TJP1: variants seen among roughly 807,000 people sequenced by gnomAD.
The protein encoded by TJP1 is tight junction protein ZO-1.
TJP1 carries 43 observed loss-of-function variants against 194.2 expected under a neutral mutation model. The ratio of observed to expected loss-of-function variants is 0.22; its 90% confidence interval spans 0.17 to 0.29. The LOEUF (loss-of-function observed/expected upper bound fraction) is 0.29, where lower values mean the gene tolerates loss of function less well. Ranked by LOEUF, TJP1 falls within the 10% of genes least tolerant of loss-of-function variation. The probability of loss-of-function intolerance (pLI) is 1.00; values close to 1 mark genes in which losing one functional copy is unlikely to be tolerated. For synonymous variants in TJP1, 801 were observed against 779.0 expected (o/e 1.03, Z -0.47); for missense variants, 1,971 against 2,185.7 (o/e 0.90, Z 1.96).
chr15:29,953,610 C>T (rs567025943), intron 2 of TJP1, among the ~76,000 whole-genome samples: 24 of 152,058 alleles, frequency 1.6e-4, no homozygotes, highest in African/African-American at 4.8e-4. Flanking sequence ...TTTTTTATTG[C>T]TTGGAAAATC....
At chr15:29,950,961 C>A (rs2055727906) in intron 2 of TJP1, among the ~76,000 whole-genome samples, 1 of 152,070 alleles carries the variant, frequency 6.6e-6, no homozygotes, top group African/African-American at 2.4e-5. Context: ...GAGGAAATAG[C>A]TAATGTAATT....
In TJP1 at chr15:29,708,955, A is replaced by G; in HGVS notation, c.4454T>C (p.Phe1485Ser). The G allele has an allele frequency of 6.2e-7, 1 of 1,614,176 alleles. No individual in the cohort carries two copies. Among genetic ancestry groups the G allele is most frequent in the Non-Finnish European group, 8.5e-7 (1 of 1,180,036 alleles). The stretch of plus-strand genomic sequence containing the variant: ...AGTATCTTCTCGGTTTGGTGGTCTG[A>G]AAGTTGCTGGCTTATTCTGAGATGG... Reference protein sequence around the residue: ...PPPSQNKPATFRPPNREDTAQ... With the variant: ...PPPSQNKPATSRPPNREDTAQ... Residue 1485 changes from phenylalanine to serine, a missense_variant, in exon 25 of 28, where the codon TTC becomes TCC. Coordinates refer to ENST00000614355, the MANE Select transcript of TJP1 (RefSeq NM_001330239.4).
intron 1 of TJP1, among the ~76,000 whole-genome samples, chr15:29,821,065 T>C (rs1331068910): frequency 2.0e-5 from 3 of 152,204 alleles, no homozygotes. Flanking sequence ...AAAGGGGAGA[T>C]TTTTTACTCC....
Position 29,716,810 on chromosome 15 carries a change from T to G in TJP1, c.4003A>C (p.Lys1335Gln). The change falls in exon 23 of 28, where the codon AAG (lysine) becomes CAG (glutamine). Residue 1335 changes from lysine (K) to glutamine (Q), a missense_variant. Coordinates refer to ENST00000614355, the MANE Select transcript of TJP1 (RefSeq NM_001330239.4). The stretch of plus-strand genomic sequence containing the variant: ...GACCGAACAATATCTTCAGGTGGCT[T>G]CAGTTGAGGTTTTTGAGGTTCTGGG... ...RIPEPQKPQL[K>Q]PPEDIVRSNH... 1 of 1,604,132 alleles carries G rather than the reference T, an allele frequency of 6.2e-7. No homozygotes were observed. Among genetic ancestry groups the G allele is most frequent in the African/African-American group, 1.3e-5 (1 of 74,918 alleles).
At chr15:29,968,082 A>G (rs1403254) in intron 1 of TJP1, 247,947 of 984,970 alleles carry the variant, frequency 0.25, 31,736 homozygotes, top group East Asian at 0.39. Context: ...TTCTTTAAGG[A>G]TGTTTTTTCC....
intron 2 of TJP1, among the ~76,000 whole-genome samples, chr15:29,792,790 A>G (rs901125130): frequency 2.5e-4 from 38 of 152,018 alleles, no homozygotes; most frequent in Admixed American, 3.3e-4. Context: ...ATCTTTCATC[A>G]GTGTTTTATA....
intron 8 of TJP1, among the ~76,000 whole-genome samples, chr15:29,743,813 G>T (rs986989908): frequency 2.6e-5 from 4 of 152,114 alleles, no homozygotes; most frequent in African/African-American, 9.7e-5. Context: ...CAGCAAAAAG[G>T]ATGTACAAAT....
chr15:29,906,733 C>T (rs975888513), intron 2 of TJP1, among the ~76,000 whole-genome samples: 5 of 151,526 alleles, frequency 3.3e-5, no homozygotes, highest in Non-Finnish European at 4.4e-5. Flanking sequence ...GTGTGTATCA[C>T]CACACCCAAC....
chr15:29,727,619 TA>T (rs1323125086), intron 16 of TJP1, among the ~76,000 whole-genome samples: 6 of 152,354 alleles, frequency 3.9e-5, no homozygotes, highest in African/African-American at 1.4e-4. Context: ...TTTAAGAATT[TA>T]ATGTTCCTGA....
intron 2 of TJP1, among the ~76,000 whole-genome samples, chr15:29,883,569 T>TGGTACGTG (rs2053014353): frequency 6.6e-6 from 1 of 152,112 alleles, no homozygotes; most frequent in Admixed American, 6.5e-5. Context: ...AGCAGTGAAG[T>TGGTACGTG]GGTACGTGTC....
chr15:29,961,439 C>T (rs1463568154), intron 1 of TJP1, among the ~76,000 whole-genome samples: 4 of 139,226 alleles, frequency 2.9e-5, no homozygotes, highest in African/African-American at 5.3e-5. Flanking sequence ...AGCTCCGCTT[C>T]CCGGGTTCAC....
At chr15:29,731,200 C>A (rs1434585853) in intron 15 of TJP1, among the ~76,000 whole-genome samples, 1 of 151,330 alleles carries the variant, frequency 6.6e-6, no homozygotes, top group South Asian at 2.1e-4. Context: ...GTGGAGAAAA[C>A]ACCTTTCCCT....
At chr15:29,920,366 A>G (rs918362699) in intron 2 of TJP1, among the ~76,000 whole-genome samples, 1 of 152,120 alleles carries the variant, frequency 6.6e-6, no homozygotes, top group African/African-American at 2.4e-5. Flanking sequence ...TTGAGCTGTA[A>G]TTTTCTAGCT....
At chr15:29,778,159 C>T (rs1000975174) in intron 2 of TJP1, among the ~76,000 whole-genome samples, 2 of 152,106 alleles carry the variant, frequency 1.3e-5, no homozygotes, top group Non-Finnish European at 2.9e-5. Context: ...GGCAGGTAAT[C>T]CTGCTACATC....
intron 8 of TJP1, among the ~76,000 whole-genome samples, chr15:29,749,961 G>A (rs1178377031): frequency 6.6e-6 from 1 of 151,662 alleles, no homozygotes; most frequent in Non-Finnish European, 1.5e-5. Context: ...TCCTGTCTCA[G>A]CCTCCTGAGT....
At chr15:29,888,941 A>G (rs973691207) in intron 2 of TJP1, among the ~76,000 whole-genome samples, 1 of 152,208 alleles carries the variant, frequency 6.6e-6, no homozygotes, top group African/African-American at 2.4e-5. Context: ...GATGGACTGG[A>G]TCTAATCTAG....
At chr15:29,803,658 T>A (rs1319455844) in intron 1 of TJP1, among the ~76,000 whole-genome samples, 1 of 152,130 alleles carries the variant, frequency 6.6e-6, no homozygotes, top group East Asian at 1.9e-4. Context: ...TTGTTAATTA[T>A]AAAAAATGTT....
At chr15:29,829,266 G>C (rs1263366194) in intron 2 of TJP1, among the ~76,000 whole-genome samples, 2 of 152,110 alleles carry the variant, frequency 1.3e-5, no homozygotes, top group African/African-American at 4.8e-5. Flanking sequence ...ATCAAGTTCT[G>C]CCTGTTTTAA....
At chr15:29,956,339 T>G (rs1299025892) in exon 2 of TJP1, 1 of 1,288,894 alleles carries the variant, frequency 7.8e-7, no homozygotes, top group East Asian at 5.5e-5. Flanking sequence ...GTAGCACCAT[T>G]AGGATTTTCA....
Sources: allele counts gnomAD v4.1 joint callset (sites outside exome capture counted in the v4.1 genomes callset), GRCh38; gene constraint gnomAD v4.1.1; transcripts MANE v1.5; gene names NCBI Gene and HGNC (gene_info 2026-07-23, HGNC 2026-07-21).